Variants in UBN2 observed in about 807,000 individuals in gnomAD.
UBN2 encodes the protein ubinuclein 2.
UBN2 carries 35 observed loss-of-function variants against 120.2 expected under a neutral mutation model. The observed-to-expected ratio is 0.29, with a 90% CI of 0.22 to 0.39. The LOEUF (loss-of-function observed/expected upper bound fraction) is 0.39, where lower values mean the gene tolerates loss of function less well. Among genes scored for constraint, UBN2 ranks in the 10% least tolerant of loss-of-function variants. UBN2 has a pLI of 1.00. For synonymous variants in UBN2, 661 were observed against 648.7 expected (o/e 1.02, Z -0.29); for missense variants, 1,693 against 1,663.2 (o/e 1.02, Z -0.31).
Position 139,272,494 on chromosome 7 carries a change from T to TTATGTATGTATGTATGTATGTATG in UBN2, c.1715+78_1715+101dup, listed in dbSNP as rs142378700. The TTATGTATGTATGTATGTATGTATG allele has an allele frequency of 4.0e-5, 44 of 1,105,090 alleles. 2 individuals carry two copies. Among genetic ancestry groups the TTATGTATGTATGTATGTATGTATG allele is most frequent in the East Asian group, 2.3e-4 (9 of 39,648 alleles). 68.5% of individuals were successfully genotyped at this position (1,105,090 alleles called of 1,614,324 possible). On this transcript the variant is annotated intron_variant, in intron 9 of 17. Coordinates refer to ENST00000473989, the MANE Select transcript of UBN2 (RefSeq NM_173569.4). ...TTTGCATTTGAGAAGTGTATGTACG[T>TTATGTATGTATGTATGTATGTATG]TATGTATGTATGTATGTATGTATGT...
chr7:139,265,331 A>G (rs1187481102), intron 6 of UBN2, among the ~76,000 whole-genome samples: 1 of 152,000 alleles, frequency 6.6e-6, no homozygotes, highest in Non-Finnish European at 1.5e-5. Context: ...ACACAAAATT[A>G]GCCAGGCGTG....
intron 8 of UBN2, among the ~76,000 whole-genome samples, chr7:139,271,922 C>G (rs906829273): frequency 4.6e-5 from 7 of 152,180 alleles, no homozygotes; most frequent in African/African-American, 1.7e-4. Flanking sequence ...TCTTCGTGTT[C>G]CAGAGCAGTG....
intron 15 of UBN2, among the ~76,000 whole-genome samples, chr7:139,287,636 G>C (rs950050206): frequency 2.6e-5 from 4 of 151,162 alleles, no homozygotes; most frequent in African/African-American, 7.3e-5. Flanking sequence ...TTTATGATTT[G>C]GAGACTGAAG....
downstream of UBN2, among the ~76,000 whole-genome samples, chr7:139,309,228 A>G (rs1365003319): frequency 6.6e-6 from 1 of 152,246 alleles, no homozygotes; most frequent in East Asian, 1.9e-4. Flanking sequence ...CAAAAAGGAC[A>G]TAACACCCCA....
intron 15 of UBN2, among the ~76,000 whole-genome samples, chr7:139,288,248 G>T (rs1797846498): frequency 6.6e-6 from 1 of 152,002 alleles, no homozygotes; most frequent in South Asian, 2.1e-4. Context: ...TTTTCAAAAT[G>T]TGGTAAATGC....
the UBN2 span, among the ~76,000 whole-genome samples, chr7:139,319,560 A>G: frequency 6.6e-6 from 1 of 152,144 alleles, no homozygotes; most frequent in African/African-American, 2.4e-5. Context: ...GTTCAAGTCC[A>G]GCCTGGGCAA....
chr7:139,260,119 G>A (rs990042111), intron 5 of UBN2, among the ~76,000 whole-genome samples: 9 of 149,312 alleles, frequency 6.0e-5, no homozygotes, highest in African/African-American at 2.2e-4. Flanking sequence ...TTCTCTTTTA[G>A]ATAGGGTCTT....
chr7:139,243,359 CTG>C (rs970908936), intron 2 of UBN2, among the ~76,000 whole-genome samples: 7 of 152,170 alleles, frequency 4.6e-5, no homozygotes, highest in African/African-American at 7.2e-5. Context: ...AATTTATAAA[CTG>C]TGTAATATCA....
In UBN2 at chr7:139,304,235, A is replaced by G. The variant is rs1401299124; in HGVS notation, c.*6399A>G. The G allele has an allele frequency of 6.6e-6, 1 of 152,070 alleles. No homozygotes were observed. The highest frequency in any genetic ancestry group is 6.6e-5 in the Admixed American group (1 of 15,252). 9.4% of individuals were successfully genotyped at this position (152,070 alleles called of 1,614,324 possible). A position where few individuals can be genotyped will look rare whatever the true frequency, so the allele number is the denominator to read the frequency against. On this transcript the variant is annotated 3_prime_UTR_variant, in exon 18 of 18. Transcript: ENST00000473989. ...CACCTTTGTAATTCATGCTTCTTCA[A>G]CCCATGAAAGAGGTGGAGCCATCAG... is the stretch of plus-strand genomic sequence containing the variant.
chr7:139,256,025 G>C (rs1255575746), intron 3 of UBN2, among the ~76,000 whole-genome samples: 2 of 152,212 alleles, frequency 1.3e-5, no homozygotes, highest in African/African-American at 4.8e-5. Flanking sequence ...ACAGTAGCTA[G>C]TCATAGGCAA....
At chr7:139,290,433 A>C (rs1472496893) in intron 15 of UBN2, among the ~76,000 whole-genome samples, 1 of 152,236 alleles carries the variant, frequency 6.6e-6, no homozygotes, top group Admixed American at 6.5e-5. Flanking sequence ...CTTAAGTGTA[A>C]GAGCAAATTT....
chr7:139,281,132 TTAATAGAA>T (rs1797596119), intron 13 of UBN2, among the ~76,000 whole-genome samples: 1 of 152,234 alleles, frequency 6.6e-6, no homozygotes, highest in South Asian at 2.1e-4. Flanking sequence ...AAACATATGA[TTAATAGAA>T]TAATAGGATA....
chr7:139,310,551 A>G (rs1344216587), downstream of UBN2, among the ~76,000 whole-genome samples: 1 of 152,206 alleles, frequency 6.6e-6, no homozygotes, highest in Non-Finnish European at 1.5e-5. Context: ...GAGGCGGATC[A>G]CTTGAGGTCA....
chr7:139,240,321 CTTG>C (rs996112747), intron 2 of UBN2, among the ~76,000 whole-genome samples: 3 of 150,424 alleles, frequency 2.0e-5, no homozygotes, highest in Non-Finnish European at 4.4e-5. Flanking sequence ...GAGACAGGGT[CTTG>C]TTGTGTTGCC....
intron 7 of UBN2, among the ~76,000 whole-genome samples, chr7:139,268,335 C>CT (rs1297783958): frequency 6.6e-6 from 1 of 152,016 alleles, no homozygotes; most frequent in Non-Finnish European, 1.5e-5. Context: ...CCCTCAGCCT[C>CT]TTTTTCCGCT....
intron 6 of UBN2, 126 bp downstream of exon 6, chr7:139,261,867 A>G (rs969111985): frequency 2.1e-6 from 2 of 946,672 alleles, no homozygotes; most frequent in Non-Finnish European, 1.5e-6. Flanking sequence ...AGATAAAAAT[A>G]ATAAACTACA....
downstream of UBN2, among the ~76,000 whole-genome samples, chr7:139,312,633 G>T (rs1023200391): frequency 1.3e-5 from 2 of 152,146 alleles, no homozygotes; most frequent in Non-Finnish European, 2.9e-5. Flanking sequence ...CTTTGTCTGT[G>T]ACATCCTTTA....
At chr7:139,236,940 AAC>A (rs1796179072) in intron 1 of UBN2, 63 bp from the exon 2 acceptor site, 1 of 1,030,956 alleles carries the variant, frequency 9.7e-7, no homozygotes. Context: ...TAAATAAACA[AAC>A]AATAATAATA....
At chr7:139,256,669 T>A (rs932467832) in intron 3 of UBN2, among the ~76,000 whole-genome samples, 3 of 152,206 alleles carry the variant, frequency 2.0e-5, no homozygotes, top group African/African-American at 7.2e-5. Context: ...TTTTCGAAAT[T>A]ATTACTGTCT....
Sources: allele counts gnomAD v4.1 joint callset (sites outside exome capture counted in the v4.1 genomes callset), GRCh38; gene constraint gnomAD v4.1.1; transcripts MANE v1.5; gene names NCBI Gene and HGNC (gene_info 2026-07-23, HGNC 2026-07-21).